The following BTNL3 variants were observed in gnomAD, a reference collection of about 807,000 sequenced individuals.
BTNL3 encodes the protein butyrophilin-like protein 3.
Under a neutral mutation model 40.1 loss-of-function variants are expected in BTNL3, and 20 were observed. The ratio of observed to expected loss-of-function variants is 0.50; its 90% CI spans 0.35 to 0.72. The LOEUF is 0.72. Ranked by LOEUF, BTNL3 falls within the 30% of genes least tolerant of loss-of-function variation. BTNL3 has a pLI of 0.01. For synonymous variants in BTNL3, 179 were observed against 222.1 expected (o/e 0.81, Z 1.73); for missense variants, 449 against 582.2 (o/e 0.77, Z 2.35).
intron 1 of BTNL3, among the ~76,000 whole-genome samples, chr5:180,990,730 G>A (rs1759958163): frequency 7.3e-6 from 1 of 137,564 alleles, no homozygotes; most frequent in Admixed American, 7.6e-5. Flanking sequence ...CTAGAGCAAG[G>A]GCCTTTCTGC....
Position 181,002,845 on chromosome 5 carries a change from T to C in BTNL3, c.787+60T>C, listed in dbSNP as rs1582089995. 13 of 1,417,440 alleles carry C rather than the reference T, an allele frequency of 9.2e-6. 1 individual carries two copies. The Admixed American group carries it at 9.7e-5, about 11-fold the overall frequency. 87.8% of individuals were successfully genotyped at this position (1,417,440 alleles called of 1,614,324 possible). A position where few individuals can be genotyped will look rare whatever the true frequency, so the allele number is the denominator to read the frequency against. On this transcript the variant is annotated intron_variant, in intron 4 of 7. Transcript: ENST00000342868. The stretch of plus-strand genomic sequence containing the variant: ...CTTCATGGTTCCAGTGGAGCTGATA[T>C]CAGGCTGCCCTCACACACCTCTGGG...
At position 180,999,228 on chromosome 5, in the gene BTNL3, A is replaced by G. The variant is rs1048371034; in HGVS notation, c.673+1740A>G. ...ATCAATATATATTTCAGAAAACAGC[A>G]AAAGAAAGTGGAAGAAATCCTAAAG... On this transcript the variant is annotated intron_variant, in intron 3 of 7. Coordinates refer to ENST00000342868, the MANE Select transcript of BTNL3 (RefSeq NM_197975.3). Among the ~76,000 whole-genome samples the G allele has an allele frequency of 5.8e-5, 8 of 137,026 alleles. 2 individuals are homozygous for G. The highest frequency in any genetic ancestry group is 1.3e-4 in the Non-Finnish European group (8 of 60,100). 89.9% of individuals were successfully genotyped at this position (137,026 alleles called of 152,430 possible).
At chr5:180,997,032 G>T (rs1760042423) in intron 2 of BTNL3, among the ~76,000 whole-genome samples, 181 bp from the exon 3 acceptor site, 1 of 136,610 alleles carries the variant, frequency 7.3e-6, no homozygotes, top group East Asian at 2.1e-4. Context: ...GTGTGTAAGA[G>T]AGAGAGAGAG....
intron 4 of BTNL3, 107 bp from the exon 5 acceptor site, chr5:181,003,749 C>G (rs948382465): frequency 3.8e-5 from 61 of 1,585,532 alleles, no homozygotes; most frequent in Non-Finnish European, 5.0e-5. Flanking sequence ...TAGGAGAGGC[C>G]CTGCCCTTCA....
At chr5:181,000,753 C>A (rs1760097271) in intron 3 of BTNL3, among the ~76,000 whole-genome samples, 1 of 133,664 alleles carries the variant, frequency 7.5e-6, no homozygotes, top group African/African-American at 2.5e-5. Context: ...TTGCAGTGAG[C>A]CGAGATTGCG....
rs1273039149 is a variant in BTNL3 at position 181,004,039 on chromosome 5, C to G, written c.808+163C>G. ...CTCCATCCACTGCTCATGAGTTACC[C>G]CTCGGACATCTGGAGGGCTTAGGAT... On this transcript the variant is annotated intron_variant, in intron 5 of 7. Coordinates refer to ENST00000342868, the MANE Select transcript of BTNL3 (RefSeq NM_197975.3). 3.9e-6 allele frequency: 6 copies of G among 1,536,716 alleles called. No homozygotes were observed. The East Asian group carries it at 9.1e-5, about 23-fold the overall frequency.
In BTNL3 at chr5:181,006,259, G is replaced by A. The variant is rs1282515036; in HGVS notation, c.*387G>A. ...CTGCCTCACAGGTGAAGATTAAAGA[G>A]ACAACGAATGTGAATCATGCTTGCA... On this transcript the variant is annotated 3_prime_UTR_variant, in exon 8 of 8. Coordinates refer to ENST00000342868, the MANE Select transcript of BTNL3 (RefSeq NM_197975.3). 2.6e-6 allele frequency: 1 copy of A among 389,508 alleles called. No individual in the cohort carries two copies. Among genetic ancestry groups the A allele is most frequent in the Non-Finnish European group, 4.5e-6 (1 of 220,940 alleles). The allele number at this position is 389,508 out of a possible 1,614,324, so 24.1% of individuals were successfully genotyped here. A position where few individuals can be genotyped will look rare whatever the true frequency, so the allele number is the denominator to read the frequency against.
Position 181,005,408 on chromosome 5 carries a change from A to C in BTNL3, c.937A>C (p.Lys313Gln). The change falls in exon 8 of 8, where the codon AAA becomes CAA. Residue 313 changes from lysine (K) to glutamine (Q), a missense_variant. Lys to Gln is a moderately conservative substitution (Grantham distance 53). Transcript: ENST00000342868. ...VSDLKTVTHR[K>Q]APQEVPHSEK... Reference sequence around the variant, plus strand: ...TGATCTGAAAACTGTAACCCATAGAAAAGCTCCCCAGGAGGTGCCTCACTC... The same window carrying C: ...TGATCTGAAAACTGTAACCCATAGACAAGCTCCCCAGGAGGTGCCTCACTC... 2.5e-6 allele frequency: 4 copies of C among 1,613,978 alleles called. No homozygotes were observed. The highest frequency in any genetic ancestry group is 2.5e-6 in the Non-Finnish European group (3 of 1,179,986).
chr5:180,997,212 G>T lies in BTNL3; in HGVS notation c.398-1G>T. On this transcript the variant is annotated splice_acceptor_variant, in intron 2 of 7. Transcript: ENST00000342868. LOFTEE classifies it high-confidence loss of function. ...TTCATCTTTCCCTGTTTTCTTCCCA[G>T]CACTGGGCTCACTTCCTCTCATTTC... The T allele has an allele frequency of 6.8e-7, 1 of 1,464,088 alleles. No individual in the cohort carries two copies. The highest frequency in any genetic ancestry group is 9.4e-7 in the Non-Finnish European group (1 of 1,059,336). The allele number at this position is 1,464,088 out of a possible 1,614,324, so 90.7% of individuals were successfully genotyped here.
At chr5:180,991,828 C>A (rs1337775773) in intron 1 of BTNL3, among the ~76,000 whole-genome samples, 1 of 137,002 alleles carries the variant, frequency 7.3e-6, no homozygotes, top group Non-Finnish European at 1.7e-5. Context: ...AACAGGTAAG[C>A]CATGTTGATA....
At position 180,994,804 on chromosome 5, in the gene BTNL3, A is replaced by G. The variant is rs1389262630; in HGVS notation, c.397+1644A>G. On this transcript the variant is annotated intron_variant, in intron 2 of 7. Transcript: ENST00000342868. ...ATAATTTTTTTTTTTTTTTTATGAGATGGAGTCTCGCTCTGTCGCCCAGGC... is the reference window on the plus strand; with the variant it reads ...ATAATTTTTTTTTTTTTTTTATGAGGTGGAGTCTCGCTCTGTCGCCCAGGC... Among the ~76,000 whole-genome samples the G allele has an allele frequency of 3.3e-5, 4 of 122,866 alleles. 1 individual carries two copies. The highest frequency in any genetic ancestry group is 1.1e-4 in the African/African-American group (4 of 35,544). 80.6% of individuals were successfully genotyped at this position (122,866 alleles called of 152,430 possible).
Position 180,988,945 on chromosome 5 carries a change from G to T in BTNL3, c.-84G>T. The T allele has an allele frequency of 7.3e-7, 1 of 1,365,188 alleles. No individual in the cohort carries two copies. Among genetic ancestry groups the T allele is most frequent in the Non-Finnish European group, 1.0e-6 (1 of 998,266 alleles). The allele number at this position is 1,365,188 out of a possible 1,614,324, so 84.6% of individuals were successfully genotyped here. On this transcript the variant is annotated 5_prime_UTR_variant, in exon 1 of 8. Transcript: ENST00000342868. ...GCCTCTCCACGGCTCCTGCGCCTGA[G>T]ACAGCTGGCCTGACCTCCAAATCAT... is the stretch of plus-strand genomic sequence containing the variant.
chr5:180,999,197 T>G (rs1760074040), intron 3 of BTNL3, among the ~76,000 whole-genome samples: 2 of 136,492 alleles, frequency 1.5e-5, no homozygotes, highest in South Asian at 4.3e-4. Flanking sequence ...AATATTGATA[T>G]TAGGCATCAA....
At chr5:181,004,002 G>C (rs760866188) in intron 5 of BTNL3, 126 bp downstream of exon 5, 1 of 1,506,952 alleles carries the variant, frequency 6.6e-7, no homozygotes, top group African/African-American at 1.4e-5. Context: ...GAGGGGAGCA[G>C]CTGCTCACTC....
chr5:181,002,898 G>C, intron 4 of BTNL3, 113 bp downstream of exon 4: 1 of 1,239,422 alleles, frequency 8.1e-7, no homozygotes, highest in South Asian at 1.2e-5. Context: ...TAGGCCTACA[G>C]GGGCCACCAG....
intron 3 of BTNL3, among the ~76,000 whole-genome samples, 191 bp from the exon 4 acceptor site, chr5:181,002,471 AATATATATAT>A (rs56895500): frequency 0.035 from 2,559 of 73,822 alleles, 318 homozygotes; most frequent in African/African-American, 0.092. Context: ...CACACACGTG[AATATATATAT>A]ATATATATAT....
chr5:181,005,687 C>T lies in BTNL3; in HGVS notation c.1216C>T (p.Arg406Ter), dbSNP rs559517221. Reference protein sequence around the residue: ...ISLPPSTPPTRVGVFLDYEGG... With the variant: ...ISLPPSTPPT ...CCTCCCCCCCAGCACCCCTCCTACACGAGTAGGGGTCTTCCTGGACTATGA... is the reference window on the plus strand; with the variant it reads ...CCTCCCCCCCAGCACCCCTCCTACATGAGTAGGGGTCTTCCTGGACTATGA... The change falls in exon 8 of 8, where the codon CGA becomes TGA. Residue 406 changes from arginine (R) to a stop codon, truncating the protein, a stop_gained. Transcript: ENST00000342868. LOFTEE classifies it low-confidence loss of function (END_TRUNC). 2.7e-5 allele frequency: 43 copies of T among 1,614,080 alleles called. No individual in the cohort carries two copies. The highest frequency in any genetic ancestry group is 6.7e-5 in the African/African-American group (5 of 75,014).
rs1431036807 is a variant in BTNL3 at position 181,002,861 on chromosome 5, C to T, written c.787+76C>T. ...GAGCTGATATCAGGCTGCCCTCACA[C>T]ACCTCTGGGCTCTGCTCTTCCAGCC... On this transcript the variant is annotated intron_variant, in intron 4 of 7. Transcript: ENST00000342868. 8 of 1,386,168 alleles carry T rather than the reference C, an allele frequency of 5.8e-6. 2 individuals carry two copies. Among genetic ancestry groups the T allele is most frequent in the Non-Finnish European group, 8.0e-6 (8 of 1,003,598 alleles). 85.9% of individuals were successfully genotyped at this position (1,386,168 alleles called of 1,614,324 possible).
At chr5:180,991,856 T>G (rs577650333) in intron 1 of BTNL3, among the ~76,000 whole-genome samples, 4 of 136,168 alleles carry the variant, frequency 2.9e-5, no homozygotes, top group African/African-American at 1.0e-4. Context: ...AGAGTGGGGG[T>G]GTCCAATCTT....
Sources: allele counts gnomAD v4.1 joint callset (sites outside exome capture counted in the v4.1 genomes callset), GRCh38; gene constraint gnomAD v4.1.1; transcripts MANE v1.5; gene names NCBI Gene and HGNC (gene_info 2026-07-23, HGNC 2026-07-21).